The following RAP1GAP2 variants were observed in gnomAD, a reference collection of about 807,000 sequenced individuals.
RAP1GAP2 encodes the protein rap1 GTPase-activating protein 2.
In RAP1GAP2, 27 loss-of-function variants were observed where a neutral mutation model predicts 95.0. The observed-to-expected ratio is 0.28, with a 90% CI of 0.21 to 0.39. RAP1GAP2 has a LOEUF of 0.39. RAP1GAP2 is among the 10% of genes least tolerant of loss of function. The pLI is 1.00. For missense variants in RAP1GAP2, 771 were observed against 970.0 expected (o/e 0.79, Z 2.72); for synonymous variants, 373 against 380.9 (o/e 0.98, Z 0.24).
At chr17:3,001,629 T>C (rs9892577) in intron 14 of RAP1GAP2, among the ~76,000 whole-genome samples, 3,824 of 92,050 alleles carry the variant, frequency 0.042, 413 homozygotes, top group East Asian at 0.085. Flanking sequence ...GGAGAAGGGA[T>C]AGAAGAAGCA....
chr17:2,758,015 G>A (rs988163104), intron 1 of RAP1GAP2, among the ~76,000 whole-genome samples: 13 of 151,864 alleles, frequency 8.6e-5, no homozygotes, highest in African/African-American at 2.7e-4. Context: ...GACTACAGGT[G>A]CCCGCCACCA....
At position 3,027,449 on chromosome 17, in the gene RAP1GAP2, G is replaced by A. The variant is rs1481401803; in HGVS notation, c.2107+379G>A. Among the ~76,000 whole-genome samples, 3 of 152,044 alleles carry A rather than the reference G, an allele frequency of 2.0e-5. No homozygotes were observed. Among genetic ancestry groups the A allele is most frequent in the Admixed American group, 1.3e-4 (2 of 15,252 alleles). ...GCTGCCAGGGCCCGTCTGTCATGTC[G>A]GGGGTCTTGATAATACAAGACGGGG... On this transcript the variant is annotated intron_variant, in intron 22 of 24. Transcript: ENST00000254695. The surrounding 1 kb of genome is among the most constrained non-coding windows in gnomAD (Gnocchi z 5.2).
rs1331732636 is a variant in RAP1GAP2 at position 2,915,752 on chromosome 17, C to A, written c.165+10384C>A. On this transcript the variant is annotated intron_variant, in intron 3 of 24. Coordinates refer to ENST00000254695, the MANE Select transcript of RAP1GAP2 (RefSeq NM_015085.5). Reference sequence around the variant, plus strand: ...CTCGCTCTGTCACCAGGCTGGAGTGCAGTGGCGTGATCTCGGCTCACTGCA... The same window carrying A: ...CTCGCTCTGTCACCAGGCTGGAGTGAAGTGGCGTGATCTCGGCTCACTGCA... 7.2e-5 allele frequency among the ~76,000 whole-genome samples: 11 copies of A among 152,126 alleles called. No individual in the cohort carries two copies. In the South Asian group the frequency reaches 8.3e-4, roughly 11 times the overall value.
chr17:2,854,138 C>T, intron 2 of RAP1GAP2: 1 of 985,446 alleles, frequency 1.0e-6, no homozygotes, highest in Non-Finnish European at 1.2e-6. Flanking sequence ...TCCCTCCGCT[C>T]TCCTGCTGCA....
intron 3 of RAP1GAP2, among the ~76,000 whole-genome samples, chr17:2,950,738 A>G (rs1221515877): frequency 1.3e-5 from 2 of 151,218 alleles, no homozygotes. Flanking sequence ...AGCCTCCCAA[A>G]TAGCTGGGAT....
chr17:2,894,393 G>A (rs1025501301), intron 2 of RAP1GAP2, among the ~76,000 whole-genome samples: 1 of 152,312 alleles, frequency 6.6e-6, no homozygotes, highest in Middle Eastern at 3.4e-3. Context: ...TCGCGCCACT[G>A]CTCTCCAGAC....
At chr17:2,939,646 G>A (rs973424290) in intron 3 of RAP1GAP2, among the ~76,000 whole-genome samples, 2 of 152,188 alleles carry the variant, frequency 1.3e-5, no homozygotes, top group African/African-American at 4.8e-5. Flanking sequence ...CGTGCCTTCC[G>A]TCCGGCCACG....
chr17:2,841,709 C>G (rs1447005036), intron 2 of RAP1GAP2, among the ~76,000 whole-genome samples: 2 of 152,164 alleles, frequency 1.3e-5, no homozygotes, highest in African/African-American at 4.8e-5. Flanking sequence ...GGGAAAATGG[C>G]TGGGGCTCAG....
intron 2 of RAP1GAP2, among the ~76,000 whole-genome samples, chr17:2,854,342 C>G (rs1400311894): frequency 1.3e-5 from 2 of 152,226 alleles, no homozygotes; most frequent in African/African-American, 4.8e-5. Context: ...GGGTGGATCC[C>G]TGACGGAGGG....
intron 2 of RAP1GAP2, among the ~76,000 whole-genome samples, chr17:2,810,360 G>C (rs4790364): frequency 6.7e-6 from 1 of 149,514 alleles, no homozygotes; most frequent in Non-Finnish European, 1.5e-5. Flanking sequence ...CAAATTAGTC[G>C]TTTTTTTTTT....
intron 17 of RAP1GAP2, among the ~76,000 whole-genome samples, chr17:3,013,627 C>CTTT (rs71377568): frequency 0.014 from 1,128 of 78,412 alleles, 77 homozygotes; most frequent in African/African-American, 0.022. Context: ...CTTTTCTTTT[C>CTTT]TTTTCTTTTT....
chr17:2,943,633 C>T (rs8077767), intron 3 of RAP1GAP2, among the ~76,000 whole-genome samples: 2,238 of 151,928 alleles, frequency 0.015, 52 homozygotes, highest in African/African-American at 0.05. Context: ...CCAGTGCACT[C>T]CAGCCTGGGT....
chr17:2,868,572 C>T (rs2072715303), intron 2 of RAP1GAP2, among the ~76,000 whole-genome samples: 1 of 144,882 alleles, frequency 6.9e-6, no homozygotes, highest in African/African-American at 2.6e-5. Flanking sequence ...GGCTGGAGTG[C>T]AGTGGCACGA....
At chr17:3,018,264 G>A in intron 18 of RAP1GAP2, 66 bp downstream of exon 18, 1 of 1,500,942 alleles carries the variant, frequency 6.7e-7, no homozygotes, top group Non-Finnish European at 8.8e-7. Context: ...ACCTATGGAG[G>A]AAGAGTGCCC....
At chr17:2,833,657 T>C (rs528787478) in intron 2 of RAP1GAP2, among the ~76,000 whole-genome samples, 1 of 121,730 alleles carries the variant, frequency 8.2e-6, no homozygotes, top group South Asian at 2.7e-4. Flanking sequence ...GCCACTGCAC[T>C]CCAACCTGGG....
intron 4 of RAP1GAP2, among the ~76,000 whole-genome samples, chr17:2,958,906 C>T (rs2044213652): frequency 6.6e-6 from 1 of 152,060 alleles, no homozygotes; most frequent in Non-Finnish European, 1.5e-5. Flanking sequence ...TCACCGAGAG[C>T]CAGTTATTAA....
intron 17 of RAP1GAP2, among the ~76,000 whole-genome samples, chr17:3,013,632 CTTTTTTT>C (rs998163717): frequency 6.3e-5 from 5 of 78,878 alleles, no homozygotes; most frequent in Admixed American, 5.9e-4. Flanking sequence ...CTTTTCTTTT[CTTTTTTT>C]TTTTTTTTTT....
chr17:2,975,733 G>T (rs2045084796), intron 8 of RAP1GAP2, among the ~76,000 whole-genome samples: 1 of 152,256 alleles, frequency 6.6e-6, no homozygotes, highest in Admixed American at 6.5e-5. Context: ...CAGCTCCATG[G>T]GAGGGGGCTT....
chr17:2,917,931 GT>G (rs1168066532), intron 3 of RAP1GAP2, among the ~76,000 whole-genome samples: 1 of 151,972 alleles, frequency 6.6e-6, no homozygotes, highest in Non-Finnish European at 1.5e-5. Context: ...GGCCAGGCTG[GT>G]GTCAAACTCC....
Sources: gnomAD v4.1 joint callset for allele counts (sites outside exome capture counted in the v4.1 genomes callset) on GRCh38, gnomAD v4.1.1 for gene constraint, Gnocchi (gnomAD v3.1) non-coding constraint, MANE v1.5 for transcripts, NCBI Gene and HGNC (gene_info 2026-07-23, HGNC 2026-07-21) for gene names.